Variants in FILIP1L observed in about 807,000 individuals in gnomAD.
FILIP1L encodes filamin A-interacting protein 1-like.
In FILIP1L, 55 loss-of-function variants were observed where a neutral mutation model predicts 96.6. The ratio of observed to expected loss-of-function variants is 0.57; its 90% CI spans 0.46 to 0.71. FILIP1L has a LOEUF of 0.71. Among genes scored for constraint, FILIP1L ranks in the 30% least tolerant of loss-of-function variants. The probability of loss-of-function intolerance (pLI) is 0.00; values close to 1 mark genes in which losing one functional copy is unlikely to be tolerated. For synonymous variants in FILIP1L, 467 were observed against 473.9 expected, an observed-to-expected ratio of 0.99 and a Z score of 0.19; for missense variants, 1,304 against 1,321.2, an observed-to-expected ratio of 0.99 and a Z score of 0.20.
At chr3:99,854,008 CAG>C (rs1356374217) in intron 4 of FILIP1L, among the ~76,000 whole-genome samples, 1 of 152,102 alleles carries the variant, frequency 6.6e-6, no homozygotes, top group African/African-American at 2.4e-5. Context: ...ACATGTGTGT[CAG>C]AGAGAGGGAA....
At chr3:100,104,618 A>G (rs1480175682) in intron 1 of FILIP1L, among the ~76,000 whole-genome samples, 2 of 152,204 alleles carry the variant, frequency 1.3e-5, no homozygotes, top group African/African-American at 4.8e-5. Flanking sequence ...CCTGCTTTGC[A>G]TGCCCAGGAA....
At chr3:99,978,969 G>C (rs1460990915) in intron 1 of FILIP1L, among the ~76,000 whole-genome samples, 1 of 152,110 alleles carries the variant, frequency 6.6e-6, no homozygotes, top group East Asian at 1.9e-4. Context: ...GGAGAGGTTG[G>C]TTAACAGATA....
chr3:100,064,627 G>A (rs1247165449), intron 1 of FILIP1L, among the ~76,000 whole-genome samples: 3 of 152,166 alleles, frequency 2.0e-5, no homozygotes, highest in Non-Finnish European at 4.4e-5. Flanking sequence ...AGGGAGACTG[G>A]CAAAAGGGCT....
At position 100,077,724 on chromosome 3, in the gene FILIP1L, A is replaced by G. The variant is rs137985427; in HGVS notation, c.-11+36329T>C. Among the ~76,000 whole-genome samples the G allele has an allele frequency of 4.6e-3, 707 of 152,296 alleles. 2 individuals carry two copies. Among genetic ancestry groups the G allele is most frequent in the South Asian group, 7.0e-3 (34 of 4,824 alleles). On this transcript the variant is annotated intron_variant, in intron 1 of 5. Transcript: ENST00000477258. Reference sequence around the variant, plus strand: ...TAGTAGTTCAAGACCAGCCTGGGCAACATGGCAAGACCCTGTCTCTACAAG... The same window carrying G: ...TAGTAGTTCAAGACCAGCCTGGGCAGCATGGCAAGACCCTGTCTCTACAAG...
Position 99,850,107 on chromosome 3 carries a change from A to G in FILIP1L, c.1569T>C (p.Ser523=). The part of the protein sequence containing the change: ...KTEDKLQAAS[S]QLQVEQNKVT... ...CTTTATTTTGCTCCACTTGAAGCTG[A>G]GAAGAAGCAGCTTGTAATTTATCTT... The change falls in exon 5 of 6, where the codon TCT becomes TCC. Residue 523 remains serine, a synonymous_variant. Transcript: ENST00000477258. The G allele has an allele frequency of 6.2e-7, 1 of 1,613,070 alleles. No individual in the cohort carries two copies. Among genetic ancestry groups the G allele is most frequent in the Non-Finnish European group, 8.5e-7 (1 of 1,179,838 alleles).
At chr3:99,838,688 G>A (rs1031723575) in intron 5 of FILIP1L, among the ~76,000 whole-genome samples, 4 of 152,126 alleles carry the variant, frequency 2.6e-5, no homozygotes, top group Admixed American at 6.5e-5. Context: ...AATCAGACCT[G>A]TTTTCACTCC....
At chr3:100,094,636 T>C (rs1475078536) in intron 1 of FILIP1L, among the ~76,000 whole-genome samples, 8 of 151,322 alleles carry the variant, frequency 5.3e-5, no homozygotes, top group Admixed American at 4.6e-4. Flanking sequence ...TTCCTATGGA[T>C]GTCCAATTTC....
At chr3:99,900,040 T>G (rs1706385586) in intron 4 of FILIP1L, among the ~76,000 whole-genome samples, 1 of 152,218 alleles carries the variant, frequency 6.6e-6, no homozygotes, top group African/African-American at 2.4e-5. Context: ...GAAATAAATA[T>G]AAATGTATGT....
chr3:99,850,601 T>A lies in FILIP1L; in HGVS notation c.1075A>T (p.Ser359Cys). 1 of 1,613,916 alleles carries A rather than the reference T, an allele frequency of 6.2e-7. No individual in the cohort carries two copies. The highest frequency in any genetic ancestry group is 8.5e-7 in the Non-Finnish European group (1 of 1,180,026). ...EELQDIKEKI[S>C]KGEYGNAGIM... Reference sequence around the variant, plus strand: ...CCAGCGTTTCCATATTCTCCCTTACTGATTTTTTCTTTTATATCTTGCAGC... The same window carrying A: ...CCAGCGTTTCCATATTCTCCCTTACAGATTTTTTCTTTTATATCTTGCAGC... Residue 359 changes from serine to cysteine, a missense_variant, in exon 5 of 6, where the codon AGT becomes TGT. By Grantham distance (112) the Ser-to-Cys change is moderately radical. Coordinates refer to ENST00000477258, the MANE Select transcript of FILIP1L (RefSeq NM_001387850.1).
chr3:99,956,333 G>A (rs116671348), intron 1 of FILIP1L, among the ~76,000 whole-genome samples: 3 of 152,132 alleles, frequency 2.0e-5, no homozygotes, highest in South Asian at 2.1e-4. Context: ...CTTGGTTTCC[G>A]ATTCTGTCCC....
At chr3:99,917,957 G>C (rs1037262135) in intron 4 of FILIP1L, among the ~76,000 whole-genome samples, 91 of 151,812 alleles carry the variant, frequency 6.0e-4, no homozygotes, top group Non-Finnish European at 1.8e-4. Context: ...CCCTGCCCTT[G>C]TTTGTTTGTT....
intron 1 of FILIP1L, among the ~76,000 whole-genome samples, chr3:100,000,647 C>T (rs1260092142): frequency 6.6e-6 from 1 of 152,182 alleles, no homozygotes; most frequent in Non-Finnish European, 1.5e-5. Context: ...CCCAGGAGTT[C>T]AAGGCCAGAG....
intron 1 of FILIP1L, among the ~76,000 whole-genome samples, chr3:99,984,752 T>G (rs376928826): frequency 6.6e-6 from 1 of 152,346 alleles, no homozygotes; most frequent in South Asian, 2.1e-4. Flanking sequence ...TATGTTTTAC[T>G]CAGAATTCTG....
At chr3:100,072,249 A>T (rs1294021826) in intron 1 of FILIP1L, among the ~76,000 whole-genome samples, 2 of 152,208 alleles carry the variant, frequency 1.3e-5, no homozygotes, top group Admixed American at 6.5e-5. Flanking sequence ...AAACCCAAGG[A>T]TTATTCAGTC....
intron 1 of FILIP1L, among the ~76,000 whole-genome samples, chr3:100,048,781 AG>A (rs1317533534): frequency 1.3e-5 from 2 of 152,162 alleles, no homozygotes; most frequent in Non-Finnish European, 2.9e-5. Flanking sequence ...AACTAGCCCT[AG>A]GTTTTTCTCC....
chr3:100,096,031 T>G (rs1215192921), intron 1 of FILIP1L, among the ~76,000 whole-genome samples: 1 of 152,124 alleles, frequency 6.6e-6, no homozygotes, highest in East Asian at 1.9e-4. Context: ...GTGCTCAAAA[T>G]CATTGATCAT....
chr3:99,836,176 A>G (rs768067255), intron 5 of FILIP1L, among the ~76,000 whole-genome samples: 11 of 152,178 alleles, frequency 7.2e-5, no homozygotes, highest in African/African-American at 2.7e-4. Flanking sequence ...TAGATTAACT[A>G]TCTTACAGTA....
chr3:99,923,561 CA>C (rs1458589564), intron 4 of FILIP1L, among the ~76,000 whole-genome samples: 1 of 152,176 alleles, frequency 6.6e-6, no homozygotes, highest in East Asian at 1.9e-4. Context: ...ATAAGTAGTT[CA>C]TGCGCACACC....
At chr3:99,899,478 C>G (rs2107624525) in intron 4 of FILIP1L, among the ~76,000 whole-genome samples, 1 of 152,272 alleles carries the variant, frequency 6.6e-6, no homozygotes, top group South Asian at 2.1e-4. Context: ...ATATTAATGA[C>G]ACAACTAAAC....
Sources: gnomAD v4.1 joint callset for allele counts (sites outside exome capture counted in the v4.1 genomes callset) on GRCh38, gnomAD v4.1.1 for gene constraint, MANE v1.5 for transcripts, NCBI Gene and HGNC (gene_info 2026-07-23, HGNC 2026-07-21) for gene names.